ONECUT2: variants seen among roughly 807,000 people sequenced by gnomAD.
ONECUT2 encodes the protein one cut domain family member 2.
In ONECUT2, 10 loss-of-function variants were observed where a neutral mutation model predicts 27.9. That is an observed-to-expected ratio of 0.36 (90% confidence interval 0.22 to 0.61). The LOEUF (loss-of-function observed/expected upper bound fraction) is 0.61, where lower values mean the gene tolerates loss of function less well. Ranked by LOEUF, ONECUT2 falls within the 20% of genes least tolerant of loss-of-function variation. The probability of loss-of-function intolerance (pLI) is 0.73; values close to 1 mark genes in which losing one functional copy is unlikely to be tolerated. For missense variants in ONECUT2, 686 were observed against 721.0 expected, an observed-to-expected ratio of 0.95 and a Z score of 0.56; for synonymous variants, 334 against 315.1, an observed-to-expected ratio of 1.06 and a Z score of -0.64.
At chr18:57,438,817 G>A (rs1271374108) in intron 1 of ONECUT2, among the ~76,000 whole-genome samples, 4 of 151,190 alleles carry the variant, frequency 2.6e-5, no homozygotes, top group Non-Finnish European at 4.4e-5. Context: ...TGTTGGTTCG[G>A]GGCAAGATAA....
At chr18:57,453,857 C>T (rs768864164) in intron 1 of ONECUT2, among the ~76,000 whole-genome samples, 3 of 152,154 alleles carry the variant, frequency 2.0e-5, no homozygotes, top group Non-Finnish European at 4.4e-5. Flanking sequence ...GGAAACAAGA[C>T]ATAGGAACAA....
intron 1 of ONECUT2, among the ~76,000 whole-genome samples, chr18:57,468,809 G>A (rs1006365376): frequency 2.0e-5 from 3 of 152,248 alleles, no homozygotes; most frequent in Non-Finnish European, 4.4e-5. Flanking sequence ...TATTAGCAGA[G>A]TGTACAGTTA....
Position 57,435,826 on chromosome 18 carries a change from G to A in ONECUT2, c.110G>A (p.Gly37Asp). Residue 37 changes from glycine to aspartate, a missense_variant, in exon 1 of 2, where the codon GGC (glycine) becomes GAC (aspartate). Transcript: ENST00000491143. ...ESLGTLHGPAGGGSGGGGGGG... is the reference protein window; with the variant it reads ...ESLGTLHGPADGGSGGGGGGG... ...CTGGGCACTTTGCACGGGCCGGCCG[G>A]CGGCGGCAGTGGCGGGGGCGGCGGC... 9.0e-7 allele frequency: 1 copy of A among 1,115,730 alleles called. No homozygotes were observed. The allele number at this position is 1,115,730 out of a possible 1,614,324, so 69.1% of individuals were successfully genotyped here.
chr18:57,457,217 G>T (rs1192529820), intron 1 of ONECUT2, among the ~76,000 whole-genome samples: 3 of 151,988 alleles, frequency 2.0e-5, no homozygotes, highest in African/African-American at 7.2e-5. Flanking sequence ...TTTTCATTTT[G>T]TTTTGACAGC....
At chr18:57,473,851 C>T (rs530000283) in intron 1 of ONECUT2, among the ~76,000 whole-genome samples, 9 of 152,276 alleles carry the variant, frequency 5.9e-5, no homozygotes, top group African/African-American at 1.9e-4. Flanking sequence ...TGTGTTACCA[C>T]CACACAGGAA....
At chr18:57,456,786 G>T (rs1419270387) in intron 1 of ONECUT2, among the ~76,000 whole-genome samples, 1 of 152,052 alleles carries the variant, frequency 6.6e-6, no homozygotes, top group African/African-American at 2.4e-5. Context: ...ATATTGTATT[G>T]CTTGCTCAAT....
At chr18:57,449,308 C>A (rs1469421709) in intron 1 of ONECUT2, among the ~76,000 whole-genome samples, 1 of 152,158 alleles carries the variant, frequency 6.6e-6, no homozygotes, top group East Asian at 1.9e-4. Context: ...CAGGAGGCAG[C>A]CAATAAATAT....
At chr18:57,446,883 G>A (rs932140638) in intron 1 of ONECUT2, among the ~76,000 whole-genome samples, 1 of 152,182 alleles carries the variant, frequency 6.6e-6, no homozygotes, top group African/African-American at 2.4e-5. Context: ...GAGGGAAAAC[G>A]AATGATTATG....
chr18:57,451,904 C>A (rs1003493675), intron 1 of ONECUT2, among the ~76,000 whole-genome samples: 19 of 152,118 alleles, frequency 1.2e-4, no homozygotes, highest in Admixed American at 1.0e-3. Context: ...AGTTACATGG[C>A]AGGAAGCATG....
chr18:57,446,847 G>A (rs542354876), intron 1 of ONECUT2, among the ~76,000 whole-genome samples: 1 of 152,304 alleles, frequency 6.6e-6, no homozygotes. Flanking sequence ...GGGAAGAGAA[G>A]CAAAGAAAGC....
chr18:57,447,763 T>C (rs138139180), intron 1 of ONECUT2, among the ~76,000 whole-genome samples: 37 of 152,364 alleles, frequency 2.4e-4, no homozygotes, highest in African/African-American at 8.4e-4. Flanking sequence ...GCATGACTTT[T>C]ATTATATTAA....
At chr18:57,440,901 G>T (rs1009521791) in intron 1 of ONECUT2, among the ~76,000 whole-genome samples, 1 of 152,246 alleles carries the variant, frequency 6.6e-6, no homozygotes, top group African/African-American at 2.4e-5. Flanking sequence ...AACGCAACCC[G>T]TGCCAGTACG....
chr18:57,475,846 T>C (rs2050379150), intron 1 of ONECUT2, among the ~76,000 whole-genome samples: 1 of 152,182 alleles, frequency 6.6e-6, no homozygotes, highest in South Asian at 2.1e-4. Flanking sequence ...GGTCTTCTGT[T>C]TGTTTTGTTC....
intron 1 of ONECUT2, among the ~76,000 whole-genome samples, chr18:57,446,074 A>G (rs1219418556): frequency 6.6e-6 from 1 of 152,238 alleles, no homozygotes; most frequent in African/African-American, 2.4e-5. Context: ...GCCAAAGGTC[A>G]CGCCAGTCAG....
chr18:57,436,232 G>A lies in ONECUT2; in HGVS notation c.516G>A (p.Pro172=), dbSNP rs771569572. The change falls in exon 1 of 2, where the codon CCG becomes CCA. Residue 172 remains proline, a synonymous_variant. Coordinates refer to ENST00000491143, the MANE Select transcript of ONECUT2 (RefSeq NM_004852.3). This position sits in a 1 kb window ranked among gnomAD's most constrained non-coding sequence, Gnocchi z 5.9. ...CTGACAAGTTCCACCACCCTCACCCGCACCACCATCCGCACCACCACCACC... is the reference window on the plus strand; with the variant it reads ...CTGACAAGTTCCACCACCCTCACCCACACCACCATCCGCACCACCACCACC... ...TVSDKFHHPH[P]HHHPHHHHHH... is the part of the protein sequence containing the mutation. 5.6e-6 allele frequency: 9 copies of A among 1,601,832 alleles called. No homozygotes were observed. Among genetic ancestry groups the A allele is most frequent in the Non-Finnish European group, 6.8e-6 (8 of 1,176,586 alleles).
intron 1 of ONECUT2, among the ~76,000 whole-genome samples, chr18:57,451,629 G>A (rs141210545): frequency 2.0e-5 from 3 of 152,286 alleles, no homozygotes; most frequent in East Asian, 1.9e-4. Context: ...TCTCCATCCC[G>A]AGCCTTAGAT....
chr18:57,444,943 T>C (rs998534230), intron 1 of ONECUT2, among the ~76,000 whole-genome samples: 1 of 152,184 alleles, frequency 6.6e-6, no homozygotes, highest in African/African-American at 2.4e-5. Flanking sequence ...CTGAAATGTG[T>C]AATGACCCAG....
At chr18:57,443,971 G>A (rs1044017836) in intron 1 of ONECUT2, among the ~76,000 whole-genome samples, 20 of 152,184 alleles carry the variant, frequency 1.3e-4, no homozygotes, top group African/African-American at 4.1e-4. Context: ...TTTGGCTCTT[G>A]TAATCAAATA....
chr18:57,441,491 C>T (rs2050173843), intron 1 of ONECUT2, among the ~76,000 whole-genome samples: 1 of 152,224 alleles, frequency 6.6e-6, no homozygotes, highest in Non-Finnish European at 1.5e-5. Context: ...TCTCGCGGGG[C>T]TCTCTGCCCT....
Sources: allele counts gnomAD v4.1 joint callset (sites outside exome capture counted in the v4.1 genomes callset), GRCh38; gene constraint gnomAD v4.1.1; non-coding constraint Gnocchi (gnomAD v3.1); transcripts MANE v1.5; gene names NCBI Gene and HGNC (gene_info 2026-07-23, HGNC 2026-07-21).